PARD3: variants seen among roughly 807,000 people sequenced by gnomAD.
PARD3 encodes the protein partitioning defective 3 homolog.
Under a neutral mutation model 155.4 loss-of-function variants are expected in PARD3, and 75 were observed. That is an observed-to-expected ratio of 0.48 (90% confidence interval 0.40 to 0.58). PARD3 has a LOEUF of 0.58. Among genes scored for constraint, PARD3 ranks in the 20% least tolerant of loss-of-function variants. The probability of loss-of-function intolerance (pLI) is 0.00; values close to 1 mark genes in which losing one functional copy is unlikely to be tolerated. For synonymous variants in PARD3, 576 were observed against 610.5 expected (o/e 0.94, Z 0.83); for missense variants, 1,642 against 1,721.7 (o/e 0.95, Z 0.82).
chr10:34,480,161 A>G (rs913641979), intron 3 of PARD3, among the ~76,000 whole-genome samples: 1 of 152,232 alleles, frequency 6.6e-6, no homozygotes, highest in Non-Finnish European at 1.5e-5. Flanking sequence ...ATAGGTGTGG[A>G]GGATCAAAGG....
intron 2 of PARD3, among the ~76,000 whole-genome samples, chr10:34,554,149 G>A (rs1447372972): frequency 6.6e-6 from 1 of 152,166 alleles, no homozygotes; most frequent in Non-Finnish European, 1.5e-5. Flanking sequence ...TTAAAATCAG[G>A]AAGAGACTTT....
chr10:34,635,054 T>G (rs1161765941), intron 2 of PARD3, among the ~76,000 whole-genome samples: 1 of 152,166 alleles, frequency 6.6e-6, no homozygotes, highest in African/African-American at 2.4e-5. Context: ...TCACGATGGC[T>G]CCACTGAAAA....
intron 22 of PARD3, among the ~76,000 whole-genome samples, chr10:34,135,164 G>A (rs929669129): frequency 1.7e-5 from 2 of 117,860 alleles, no homozygotes; most frequent in Non-Finnish European, 3.8e-5. Flanking sequence ...GTCCACATGA[G>A]TGGGATCTAC....
At chr10:34,693,904 C>A (rs1352107915) in intron 2 of PARD3, among the ~76,000 whole-genome samples, 5 of 151,552 alleles carry the variant, frequency 3.3e-5, no homozygotes, top group African/African-American at 1.2e-4. Context: ...ATGCTAACCT[C>A]AAAACAAAAA....
At chr10:34,636,051 G>A (rs2092457867) in intron 2 of PARD3, among the ~76,000 whole-genome samples, 1 of 151,602 alleles carries the variant, frequency 6.6e-6, no homozygotes, top group Non-Finnish European at 1.5e-5. Flanking sequence ...AAGAAAGAAA[G>A]AAGAAAGGAA....
At chr10:34,179,624 A>G (rs1950183954) in intron 22 of PARD3, among the ~76,000 whole-genome samples, 1 of 152,246 alleles carries the variant, frequency 6.6e-6, no homozygotes, top group African/African-American at 2.4e-5. Context: ...CTTTCTTTGC[A>G]CAACTCATAC....
chr10:34,337,583 A>C (rs1390195278), intron 16 of PARD3, among the ~76,000 whole-genome samples, 157 bp from the exon 17 acceptor site: 1 of 152,152 alleles, frequency 6.6e-6, no homozygotes, highest in East Asian at 1.9e-4. Flanking sequence ...TTAAAAAAAA[A>C]ACTGTGGCTG....
chr10:34,621,796 ATTC>A, intron 2 of PARD3, among the ~76,000 whole-genome samples: 1 of 152,214 alleles, frequency 6.6e-6, no homozygotes, highest in Non-Finnish European at 1.5e-5. Flanking sequence ...TAAATGTCAG[ATTC>A]TTTTCTTATT....
intron 7 of PARD3, among the ~76,000 whole-genome samples, chr10:34,398,591 G>GA (rs1332265805): frequency 6.6e-6 from 1 of 152,196 alleles, no homozygotes; most frequent in Admixed American, 6.5e-5. Flanking sequence ...AGACTCATGG[G>GA]AAAGGATGCG....
rs986340254 is a variant in PARD3 at position 34,160,870 on chromosome 10, G to A, written c.3420-29287C>T. ...CTTTGGAACCTGTTTATAGTACCTAGGTCTGAGGGAGCATGCAGAGGAAGA... is the reference window on the plus strand; with the variant it reads ...CTTTGGAACCTGTTTATAGTACCTAAGTCTGAGGGAGCATGCAGAGGAAGA... On this transcript the variant is annotated intron_variant, in intron 22 of 24. Transcript: ENST00000374788. Among the ~76,000 whole-genome samples, 7 of 152,294 alleles carry A rather than the reference G, an allele frequency of 4.6e-5. No individual in the cohort carries two copies. The East Asian group carries it at 1.4e-3, about 29-fold the overall frequency.
intron 2 of PARD3, among the ~76,000 whole-genome samples, chr10:34,557,869 G>C (rs1425039247): frequency 6.6e-6 from 1 of 150,730 alleles, no homozygotes; most frequent in Non-Finnish European, 1.5e-5. Context: ...AGGAGGTTGA[G>C]ACTTCAATGA....
intron 3 of PARD3, among the ~76,000 whole-genome samples, chr10:34,476,604 G>T (rs1468313638): frequency 6.6e-6 from 1 of 152,112 alleles, no homozygotes; most frequent in South Asian, 2.1e-4. Flanking sequence ...AAATTCAGAG[G>T]CTGCATTGCT....
chr10:34,725,902 G>A (rs752876104), intron 1 of PARD3, among the ~76,000 whole-genome samples: 3 of 152,168 alleles, frequency 2.0e-5, no homozygotes, highest in East Asian at 1.9e-4. Flanking sequence ...GAGTGAATGC[G>A]TTTGTGTGTT....
At chr10:34,714,459 C>G (rs150536248) in intron 1 of PARD3, among the ~76,000 whole-genome samples, 1 of 152,272 alleles carries the variant, frequency 6.6e-6, no homozygotes, top group African/African-American at 2.4e-5. Flanking sequence ...CCAGCACACC[C>G]CACACTGCGT....
intron 12 of PARD3, among the ~76,000 whole-genome samples, chr10:34,370,112 T>C (rs569166078): frequency 3.2e-4 from 48 of 152,306 alleles, no homozygotes; most frequent in Non-Finnish European, 6.5e-4. Flanking sequence ...GAGGCACAGA[T>C]GTGAGAGCAC....
At chr10:34,719,933 C>T (rs937801266) in intron 1 of PARD3, among the ~76,000 whole-genome samples, 10 of 152,094 alleles carry the variant, frequency 6.6e-5, no homozygotes, top group Admixed American at 2.0e-4. Context: ...TGTTTTGATG[C>T]GAAGCCTCCA....
chr10:34,244,950 C>T (rs1049304891), intron 22 of PARD3, among the ~76,000 whole-genome samples: 9 of 152,098 alleles, frequency 5.9e-5, no homozygotes, highest in Admixed American at 2.6e-4. Flanking sequence ...ACCCCACAGC[C>T]CTATGTATGA....
At position 34,110,244 on chromosome 10, in the gene PARD3, T is replaced by C. The variant is rs1588785439; in HGVS notation, c.*925A>G. ...AGCAGATCAAAATGACTGTCTGGTT[T>C]ATCTCTGTCCCATTCTGTGCCCTTC... On this transcript the variant is annotated 3_prime_UTR_variant, in exon 25 of 25. Coordinates refer to ENST00000374788, the MANE Select transcript of PARD3 (RefSeq NM_001184785.2). The C allele has an allele frequency of 6.6e-6, 1 of 152,348 alleles. No homozygotes were observed. The highest frequency in any genetic ancestry group is 2.1e-4 in the South Asian group (1 of 4,832). The allele number at this position is 152,348 out of a possible 1,614,324, so 9.4% of individuals were successfully genotyped here. A position where few individuals can be genotyped will look rare whatever the true frequency, so the allele number is the denominator to read the frequency against.
At chr10:34,272,336 C>T (rs1955656353) in intron 21 of PARD3, among the ~76,000 whole-genome samples, 1 of 151,990 alleles carries the variant, frequency 6.6e-6, no homozygotes, top group African/African-American at 2.4e-5. Context: ...AAAACTTTTC[C>T]TCTGTGAAAA....
Sources: gnomAD v4.1 joint callset for allele counts (sites outside exome capture counted in the v4.1 genomes callset) on GRCh38, gnomAD v4.1.1 for gene constraint, MANE v1.5 for transcripts, NCBI Gene and HGNC (gene_info 2026-07-23, HGNC 2026-07-21) for gene names.